Variants in UGGT2 observed in about 807,000 individuals in gnomAD.
UGGT2 encodes the protein UDP-glucose glycoprotein glucosyltransferase 2.
UGGT2 carries 180 observed loss-of-function variants against 192.1 expected under a neutral mutation model. The observed-to-expected ratio is 0.94, with a 90% CI of 0.83 to 1.06. The LOEUF is 1.06. Ranked by LOEUF, UGGT2 falls within the 50% of genes least tolerant of loss-of-function variation. The pLI is 0.00. For synonymous variants in UGGT2, 580 were observed against 591.0 expected (o/e 0.98, Z 0.27); for missense variants, 1,849 against 1,795.7 (o/e 1.03, Z -0.54).
At chr13:95,910,636 A>T (rs2048462905) in intron 20 of UGGT2, among the ~76,000 whole-genome samples, 1 of 152,136 alleles carries the variant, frequency 6.6e-6, no homozygotes, top group Non-Finnish European at 1.5e-5. Flanking sequence ...ACACAATAAT[A>T]ATGGGAGACT....
chr13:95,856,035 C>G, intron 34 of UGGT2, 123 bp downstream of exon 34: 1 of 784,540 alleles, frequency 1.3e-6, no homozygotes, highest in Non-Finnish European at 1.9e-6. Flanking sequence ...TTATATATCA[C>G]AATCGTATCT....
chr13:96,051,135 C>T (rs1200913924), intron 1 of UGGT2, among the ~76,000 whole-genome samples: 3 of 152,096 alleles, frequency 2.0e-5, no homozygotes, highest in Non-Finnish European at 4.4e-5. Flanking sequence ...ATATACACCA[C>T]GGAATACTAT....
At position 95,946,225 on chromosome 13, in the gene UGGT2, C is replaced by T. The variant is rs373652769; in HGVS notation, c.1677+812G>A. 8.5e-5 allele frequency among the ~76,000 whole-genome samples: 13 copies of T among 152,284 alleles called. No individual in the cohort carries two copies. The South Asian group carries it at 1.2e-3, about 15-fold the overall frequency. On this transcript the variant is annotated intron_variant, in intron 15 of 38. Transcript: ENST00000376747. ...TAATCAGGTTCTTACCAATTTCTATCATCTGTTATATGATCTCTTTGTCAG... is the reference window on the plus strand; with the variant it reads ...TAATCAGGTTCTTACCAATTTCTATTATCTGTTATATGATCTCTTTGTCAG...
chr13:95,903,722 T>C (rs193031198), intron 20 of UGGT2, among the ~76,000 whole-genome samples: 2 of 152,202 alleles, frequency 1.3e-5, no homozygotes, highest in African/African-American at 4.8e-5. Context: ...CTACTGTTGC[T>C]GGACATCTGA....
intron 1 of UGGT2, among the ~76,000 whole-genome samples, chr13:96,050,651 C>T (rs2053457198): frequency 6.6e-6 from 1 of 152,016 alleles, no homozygotes; most frequent in Admixed American, 6.5e-5. Flanking sequence ...ATTAAACGAC[C>T]CCATCAAAAA....
At position 95,887,871 on chromosome 13, in the gene UGGT2, A is replaced by G. The variant is rs199501332; in HGVS notation, c.3038+21T>C. ...GCATTTACAAATTTTTCAAAATGAAATTTTGTTCACTCAGATTTACCTTTC... is the reference window on the plus strand; with the variant it reads ...GCATTTACAAATTTTTCAAAATGAAGTTTTGTTCACTCAGATTTACCTTTC... On this transcript the variant is annotated intron_variant, in intron 26 of 38. Coordinates refer to ENST00000376747, the MANE Select transcript of UGGT2 (RefSeq NM_020121.4). The G allele has an allele frequency of 3.6e-4, 537 of 1,484,862 alleles. 7 individuals carry two copies. Among genetic ancestry groups the G allele is most frequent in the South Asian group, 3.3e-3 (267 of 80,742 alleles). The allele number at this position is 1,484,862 out of a possible 1,614,324, so 92.0% of individuals were successfully genotyped here.
intron 20 of UGGT2, among the ~76,000 whole-genome samples, chr13:95,924,866 C>A (rs1159600119): frequency 6.6e-6 from 1 of 152,174 alleles, no homozygotes; most frequent in Non-Finnish European, 1.5e-5. Flanking sequence ...TGTCCTCCTG[C>A]TCCAGTGAAG....
intron 10 of UGGT2, among the ~76,000 whole-genome samples, chr13:95,979,211 T>A (rs180819551): frequency 6.6e-6 from 1 of 152,282 alleles, no homozygotes; most frequent in Non-Finnish European, 1.5e-5. Flanking sequence ...TTCTGGCCAC[T>A]CACAGCAAAT....
intron 4 of UGGT2, among the ~76,000 whole-genome samples, chr13:96,022,591 TA>T (rs1249647288): frequency 6.6e-6 from 1 of 151,972 alleles, no homozygotes. Flanking sequence ...AGTATTACTC[TA>T]AAAAATCACT....
At chr13:95,854,925 A>T (rs1052919486) in intron 34 of UGGT2, among the ~76,000 whole-genome samples, 1 of 152,066 alleles carries the variant, frequency 6.6e-6, no homozygotes, top group Non-Finnish European at 1.5e-5. Context: ...TAGCTTGAAT[A>T]AAATAATATA....
intron 31 of UGGT2, chr13:95,863,359 T>C (rs1890335875): frequency 3.5e-6 from 1 of 283,290 alleles, no homozygotes; most frequent in African/African-American, 2.2e-5. Context: ...AACAGATCTT[T>C]GCCACACACT....
intron 20 of UGGT2, among the ~76,000 whole-genome samples, chr13:95,907,969 C>A (rs559632730): frequency 6.6e-6 from 1 of 152,108 alleles, no homozygotes; most frequent in Non-Finnish European, 1.5e-5. Context: ...GAAGGATATT[C>A]GAACCCATCT....
At chr13:96,035,731 C>A (rs2052982094) in intron 1 of UGGT2, among the ~76,000 whole-genome samples, 1 of 152,054 alleles carries the variant, frequency 6.6e-6, no homozygotes, top group Admixed American at 6.6e-5. Flanking sequence ...CAAACGACCC[C>A]ATTAAAAAGT....
intron 1 of UGGT2, among the ~76,000 whole-genome samples, chr13:96,034,190 C>T (rs576070596): frequency 4.6e-5 from 7 of 152,202 alleles, no homozygotes; most frequent in African/African-American, 4.8e-5. Flanking sequence ...TCCCAGACAT[C>T]GGGATGACCT....
chr13:96,053,096 G>T, intron 1 of UGGT2, 59 bp downstream of exon 1: 1 of 1,404,894 alleles, frequency 7.1e-7, no homozygotes, highest in Non-Finnish European at 9.2e-7. Context: ...CGAAGAAAGC[G>T]CGGCTGAGGG....
chr13:95,925,219 G>A (rs185563019), intron 20 of UGGT2, among the ~76,000 whole-genome samples: 2 of 152,128 alleles, frequency 1.3e-5, no homozygotes, highest in African/African-American at 4.8e-5. Flanking sequence ...TCAATAACAA[G>A]AAATTTAATG....
intron 27 of UGGT2, among the ~76,000 whole-genome samples, chr13:95,883,224 T>C (rs1207387009): frequency 1.3e-5 from 2 of 152,168 alleles, no homozygotes; most frequent in African/African-American, 4.8e-5. Flanking sequence ...CAAAAGATAA[T>C]GCATAAGAAG....
intron 20 of UGGT2, among the ~76,000 whole-genome samples, chr13:95,909,328 A>G (rs2048398327): frequency 1.3e-5 from 2 of 151,960 alleles, no homozygotes. Flanking sequence ...CATTATTCAC[A>G]ATAGCAAAGA....
intron 15 of UGGT2, among the ~76,000 whole-genome samples, chr13:95,944,625 G>A (rs1431545171): frequency 2.0e-5 from 3 of 151,800 alleles, no homozygotes; most frequent in African/African-American, 7.2e-5. Context: ...TCCCATAATT[G>A]TATTATTTCC....
Sources: allele counts gnomAD v4.1 joint callset (sites outside exome capture counted in the v4.1 genomes callset), GRCh38; gene constraint gnomAD v4.1.1; transcripts MANE v1.5; gene names NCBI Gene and HGNC (gene_info 2026-07-23, HGNC 2026-07-21).